ZMAT4: variants seen among roughly 807,000 people sequenced by gnomAD.
ZMAT4 encodes the protein zinc finger matrin-type protein 4.
A neutral mutation model predicts 28.7 loss-of-function variants in ZMAT4; 17 were observed. The observed-to-expected ratio is 0.59, with a 90% CI of 0.41 to 0.89. The LOEUF (loss-of-function observed/expected upper bound fraction) is 0.89. ZMAT4 is among the 40% of genes least tolerant of loss of function. The pLI is 0.00. For synonymous variants in ZMAT4, 117 were observed against 109.2 expected (o/e 1.07, Z -0.44); for missense variants, 240 against 283.8 (o/e 0.85, Z 1.11).
chr8:40,727,423 G>T (rs1371095196), intron 3 of ZMAT4, among the ~76,000 whole-genome samples: 1 of 152,146 alleles, frequency 6.6e-6, no homozygotes, highest in Non-Finnish European at 1.5e-5. Flanking sequence ...TTAAACCAAT[G>T]ACTGACAAGG....
chr8:40,748,281 A>T (rs1018180355), intron 3 of ZMAT4, among the ~76,000 whole-genome samples: 14 of 152,254 alleles, frequency 9.2e-5, no homozygotes, highest in African/African-American at 3.4e-4. Context: ...GATCAAAAGG[A>T]ATGGTTCCTG....
intron 4 of ZMAT4, among the ~76,000 whole-genome samples, chr8:40,689,040 C>T (rs376784514): frequency 1.7e-4 from 26 of 152,300 alleles, no homozygotes; most frequent in African/African-American, 4.3e-4. Flanking sequence ...TGATAGAGAC[C>T]GGAGCAGCTT....
chr8:40,732,364 T>C (rs564232385), intron 3 of ZMAT4, among the ~76,000 whole-genome samples: 233 of 152,232 alleles, frequency 1.5e-3, no homozygotes, highest in African/African-American at 5.5e-3. Flanking sequence ...GAAAGAGATG[T>C]CAGCCTAGGC....
intron 2 of ZMAT4, among the ~76,000 whole-genome samples, chr8:40,815,754 T>C (rs1461280741): frequency 6.6e-6 from 1 of 152,238 alleles, no homozygotes; most frequent in African/African-American, 2.4e-5. Flanking sequence ...AAACCTCTTG[T>C]GTTTGATCAA....
chr8:40,891,045 G>A (rs1428625685), intron 1 of ZMAT4, among the ~76,000 whole-genome samples: 1 of 151,122 alleles, frequency 6.6e-6, no homozygotes, highest in Non-Finnish European at 1.5e-5. Context: ...TCAAAATCGA[G>A]GGCGGGGGCT....
chr8:40,811,820 A>G (rs1204664264), intron 2 of ZMAT4, among the ~76,000 whole-genome samples: 3 of 152,204 alleles, frequency 2.0e-5, no homozygotes, highest in Non-Finnish European at 4.4e-5. Flanking sequence ...CCCCAATGTC[A>G]TATAATAACA....
rs150860407 is a variant in ZMAT4 at position 40,637,092 on chromosome 8, T to TAA, written c.577+37611_577+37612insTT. Among the ~76,000 whole-genome samples the TAA allele has an allele frequency of 4.5e-3, 666 of 148,358 alleles. 4 individuals carry two copies. Among genetic ancestry groups the TAA allele is most frequent in the Non-Finnish European group, 6.4e-3 (430 of 67,004 alleles). ...AATATAAAAAATAATGAAATAGATT[T>TAA]TAAAAAAAAAAAAACTCTGTGATTC... On this transcript the variant is annotated intron_variant, in intron 5 of 6. Coordinates refer to ENST00000297737, the MANE Select transcript of ZMAT4 (RefSeq NM_024645.3).
intron 2 of ZMAT4, among the ~76,000 whole-genome samples, chr8:40,815,100 C>A (rs1319515668): frequency 2.0e-5 from 3 of 152,036 alleles, no homozygotes; most frequent in African/African-American, 7.2e-5. Flanking sequence ...CATGGTGAAA[C>A]CCTGTCGCTA....
intron 2 of ZMAT4, among the ~76,000 whole-genome samples, chr8:40,816,427 G>T (rs10481311): frequency 0.42 from 64,475 of 151,996 alleles, 14,593 homozygotes; most frequent in Middle Eastern, 0.57. Flanking sequence ...GAAAGTGTTT[G>T]TTGCCAGAAT....
chr8:40,801,893 G>A (rs1814866211), intron 2 of ZMAT4, among the ~76,000 whole-genome samples: 1 of 152,086 alleles, frequency 6.6e-6, no homozygotes, highest in African/African-American at 2.4e-5. Flanking sequence ...AACCAAGTGA[G>A]ATTTGAAGTA....
At chr8:40,589,828 CCCTT>C (rs1462827629) in intron 5 of ZMAT4, among the ~76,000 whole-genome samples, 1 of 144,922 alleles carries the variant, frequency 6.9e-6, no homozygotes, top group African/African-American at 2.5e-5. Context: ...TTATTTCCTT[CCCTT>C]CCTTTCTTCT....
intron 5 of ZMAT4, among the ~76,000 whole-genome samples, chr8:40,606,729 A>C (rs1044613770): frequency 2.6e-5 from 4 of 152,332 alleles, no homozygotes; most frequent in Admixed American, 2.0e-4. Flanking sequence ...CTAGACCTCC[A>C]GCAAGGCCAG....
At chr8:40,808,335 A>G (rs1815173969) in intron 2 of ZMAT4, among the ~76,000 whole-genome samples, 1 of 152,186 alleles carries the variant, frequency 6.6e-6, no homozygotes, top group African/African-American at 2.4e-5. Context: ...AGAATGTTAC[A>G]GCACTTTGCA....
chr8:40,814,022 G>C (rs1341225274), intron 2 of ZMAT4, among the ~76,000 whole-genome samples: 1 of 152,328 alleles, frequency 6.6e-6, no homozygotes, highest in East Asian at 1.9e-4. Flanking sequence ...GGACGGGGTG[G>C]AGAGGAGTCA....
At chr8:40,766,901 A>G (rs1813180959) in intron 3 of ZMAT4, among the ~76,000 whole-genome samples, 1 of 152,234 alleles carries the variant, frequency 6.6e-6, no homozygotes, top group African/African-American at 2.4e-5. Context: ...TATAAATTCT[A>G]CGCCTGCAGC....
chr8:40,820,651 G>A (rs1426259308), intron 2 of ZMAT4, among the ~76,000 whole-genome samples: 1 of 129,378 alleles, frequency 7.7e-6, no homozygotes, highest in Non-Finnish European at 1.7e-5. Context: ...TCTCGGGCAT[G>A]TGTGTGTTTA....
intron 2 of ZMAT4, among the ~76,000 whole-genome samples, chr8:40,807,803 A>T (rs1018566075): frequency 6.6e-6 from 1 of 152,236 alleles, no homozygotes; most frequent in African/African-American, 2.4e-5. Flanking sequence ...AAAATTGATT[A>T]GTCCATAATT....
At chr8:40,592,163 G>T (rs1056760481) in intron 5 of ZMAT4, among the ~76,000 whole-genome samples, 3 of 152,146 alleles carry the variant, frequency 2.0e-5, no homozygotes, top group Non-Finnish European at 2.9e-5. Context: ...CTCTTAGGGT[G>T]TCCCAAGTAA....
chr8:40,891,176 C>T (rs1452170042), intron 1 of ZMAT4, among the ~76,000 whole-genome samples: 1 of 92,360 alleles, frequency 1.1e-5, no homozygotes. Context: ...CCAGCCTGGG[C>T]AACAGAGTGG....
Sources: allele counts gnomAD v4.1 joint callset (sites outside exome capture counted in the v4.1 genomes callset), GRCh38; gene constraint gnomAD v4.1.1; transcripts MANE v1.5; gene names NCBI Gene and HGNC (gene_info 2026-07-23, HGNC 2026-07-21).